Variants in CTNNA3 observed in about 807,000 individuals in gnomAD.
CTNNA3 encodes the protein catenin alpha 3, also known as catenin alpha-3.
A neutral mutation model predicts 95.7 loss-of-function variants in CTNNA3; 76 were observed. The observed-to-expected ratio is 0.79, with a 90% CI of 0.66 to 0.96. The LOEUF (loss-of-function observed/expected upper bound fraction) is 0.96. Ranked by LOEUF, CTNNA3 falls within the 40% of genes least tolerant of loss-of-function variation. The pLI is 0.00. For missense variants in CTNNA3, 1,191 were observed against 1,089.8 expected (o/e 1.09, Z -1.31); for synonymous variants, 431 against 374.4 (o/e 1.15, Z -1.74).
intron 12 of CTNNA3, among the ~76,000 whole-genome samples, chr10:66,291,130 G>A (rs986122217): frequency 2.6e-5 from 4 of 152,108 alleles, no homozygotes; most frequent in Non-Finnish European, 5.9e-5. Context: ...GCAGTAATGT[G>A]TGGTATGTTG....
At chr10:66,051,707 A>G (rs1589296269) in intron 15 of CTNNA3, among the ~76,000 whole-genome samples, 1 of 152,198 alleles carries the variant, frequency 6.6e-6, no homozygotes, top group Admixed American at 6.5e-5. Flanking sequence ...TCTCATTCCT[A>G]CAAATCACTT....
chr10:66,741,070 T>A (rs1849311757), intron 9 of CTNNA3, among the ~76,000 whole-genome samples: 1 of 152,218 alleles, frequency 6.6e-6, no homozygotes, highest in Non-Finnish European at 1.5e-5. Flanking sequence ...TAGGTGATTC[T>A]TATGCATATT....
At chr10:67,479,240 A>G (rs535576258) in intron 5 of CTNNA3, among the ~76,000 whole-genome samples, 2 of 152,288 alleles carry the variant, frequency 1.3e-5, no homozygotes, top group Admixed American at 6.5e-5. Flanking sequence ...CACTTGACCA[A>G]TTGGATTTAA....
chr10:66,087,097 C>T (rs533767271), intron 14 of CTNNA3, among the ~76,000 whole-genome samples: 205 of 152,074 alleles, frequency 1.3e-3, no homozygotes, highest in Non-Finnish European at 2.3e-3. Flanking sequence ...TGTCATGGCA[C>T]CAGCCAGGTA....
chr10:66,388,171 T>C (rs544966053), intron 11 of CTNNA3, among the ~76,000 whole-genome samples: 1 of 152,154 alleles, frequency 6.6e-6, no homozygotes, highest in African/African-American at 2.4e-5. Context: ...GCAACATATA[T>C]GTATTCAACG....
Position 66,927,022 on chromosome 10 carries a change from A to G in CTNNA3, c.1048-151498T>C. The G allele has an allele frequency of 6.2e-7, 1 of 1,614,142 alleles. No individual in the cohort carries two copies. Among genetic ancestry groups the G allele is most frequent in the Non-Finnish European group, 8.5e-7 (1 of 1,180,016 alleles). On this transcript the variant is annotated intron_variant, in intron 7 of 17. Transcript: ENST00000433211. The surrounding 1 kb of genome is among the most constrained non-coding windows in gnomAD (Gnocchi z 4.7). ...TTCTTCTGCCGAACGAGGATGCCCT[A>G]AGGGCTGTAGGTGTGAAGGCAAAAT...
chr10:66,311,441 G>A lies in CTNNA3; in HGVS notation c.1733-30820C>T, dbSNP rs552515308. Among the ~76,000 whole-genome samples the A allele has an allele frequency of 7.9e-4, 120 of 152,266 alleles. 1 individual carries two copies. Among genetic ancestry groups the A allele is most frequent in the Non-Finnish European group, 1.2e-3 (84 of 68,026 alleles). ...AACTTTTCATTTTTAAGACATAGTAGTCAGTACAGGAATCAGAAGGTGGAA... is the reference window on the plus strand; with the variant it reads ...AACTTTTCATTTTTAAGACATAGTAATCAGTACAGGAATCAGAAGGTGGAA... On this transcript the variant is annotated intron_variant, in intron 12 of 17. Transcript: ENST00000433211.
intron 11 of CTNNA3, among the ~76,000 whole-genome samples, chr10:66,487,980 G>C (rs1331684656): frequency 2.0e-5 from 3 of 152,160 alleles, no homozygotes; most frequent in Admixed American, 2.0e-4. Context: ...AGAAGTATTT[G>C]TGTATATGGG....
chr10:65,950,849 T>C (rs1365602805), intron 17 of CTNNA3, among the ~76,000 whole-genome samples: 1 of 152,198 alleles, frequency 6.6e-6, no homozygotes, highest in Non-Finnish European at 1.5e-5. Flanking sequence ...ATACTTTTTT[T>C]TATCTCCCCC....
At chr10:66,371,931 G>A (rs567929008) in intron 12 of CTNNA3, among the ~76,000 whole-genome samples, 1 of 152,270 alleles carries the variant, frequency 6.6e-6, no homozygotes, top group African/African-American at 2.4e-5. Flanking sequence ...TATTCCAGTG[G>A]TAGAACCATC....
At chr10:66,140,676 A>T (rs1292692545) in intron 13 of CTNNA3, among the ~76,000 whole-genome samples, 2 of 152,182 alleles carry the variant, frequency 1.3e-5, no homozygotes, top group Non-Finnish European at 2.9e-5. Context: ...TATTCTGCAA[A>T]TCCCACATTG....
chr10:66,921,180 G>C (rs764701438), intron 7 of CTNNA3, among the ~76,000 whole-genome samples: 1 of 152,170 alleles, frequency 6.6e-6, no homozygotes, highest in East Asian at 1.9e-4. Flanking sequence ...GTAGCAGAGA[G>C]AGAGAAGAAG....
intron 12 of CTNNA3, among the ~76,000 whole-genome samples, chr10:66,324,381 A>G (rs958411079): frequency 2.0e-5 from 3 of 152,142 alleles, no homozygotes; most frequent in Non-Finnish European, 2.9e-5. Flanking sequence ...GTGTAATCCA[A>G]TTCTTCCAGG....
chr10:66,591,215 A>G (rs1183891414), intron 10 of CTNNA3, among the ~76,000 whole-genome samples: 1 of 152,176 alleles, frequency 6.6e-6, no homozygotes, highest in Middle Eastern at 3.2e-3. Context: ...ATTACCAATC[A>G]GTCAACAAGT....
intron 15 of CTNNA3, among the ~76,000 whole-genome samples, chr10:66,062,774 C>G (rs1458961999): frequency 6.6e-6 from 1 of 152,072 alleles, no homozygotes; most frequent in African/African-American, 2.4e-5. Context: ...GATGCCTTTG[C>G]TAGTGATGGC....
chr10:66,685,662 G>T (rs1419962434), intron 9 of CTNNA3, among the ~76,000 whole-genome samples: 1 of 151,428 alleles, frequency 6.6e-6, no homozygotes, highest in African/African-American at 2.4e-5. Context: ...ATGAGACACC[G>T]CACCAGGCCA....
chr10:67,222,224 G>T (rs1435402266), intron 5 of CTNNA3, among the ~76,000 whole-genome samples: 1 of 152,152 alleles, frequency 6.6e-6, no homozygotes, highest in Non-Finnish European at 1.5e-5. Context: ...AAAATGTAGG[G>T]AGGACAGTTA....
intron 5 of CTNNA3, among the ~76,000 whole-genome samples, chr10:67,517,129 G>C (rs1350939943): frequency 2.0e-5 from 3 of 152,212 alleles, no homozygotes; most frequent in African/African-American, 7.2e-5. Flanking sequence ...AAGTAAGATT[G>C]ATAGGTCTTA....
chr10:66,663,962 C>T (rs186733577), intron 9 of CTNNA3, among the ~76,000 whole-genome samples: 58 of 152,110 alleles, frequency 3.8e-4, no homozygotes, highest in African/African-American at 1.3e-3. Flanking sequence ...TCCTTTGTCA[C>T]CTTAAAGAGT....
Sources: gnomAD v4.1 joint callset for allele counts (sites outside exome capture counted in the v4.1 genomes callset) on GRCh38, gnomAD v4.1.1 for gene constraint, Gnocchi (gnomAD v3.1) non-coding constraint, MANE v1.5 for transcripts, NCBI Gene and HGNC (gene_info 2026-07-23, HGNC 2026-07-21) for gene names.